TRAPPC9: variants seen among roughly 807,000 people sequenced by gnomAD.
The protein encoded by TRAPPC9 is trafficking protein particle complex subunit 9.
A neutral mutation model predicts 124.0 loss-of-function variants in TRAPPC9; 83 were observed. The ratio of observed to expected loss-of-function variants is 0.67; its 90% CI spans 0.56 to 0.80. The LOEUF (loss-of-function observed/expected upper bound fraction) is 0.80. TRAPPC9 is among the 30% of genes least tolerant of loss of function. The pLI, the probability that TRAPPC9 is intolerant of heterozygous loss-of-function variation, is 0.00. For synonymous variants in TRAPPC9, 638 were observed against 617.5 expected (o/e 1.03, Z -0.49); for missense variants, 1,302 against 1,508.3 (o/e 0.86, Z 2.27).
intron 19 of TRAPPC9, among the ~76,000 whole-genome samples, chr8:139,982,837 C>CT (rs1450765434): frequency 6.6e-6 from 1 of 152,206 alleles, no homozygotes; most frequent in African/African-American, 2.4e-5. Flanking sequence ...TCTAAAAACT[C>CT]TAATATTCAC....
intron 19 of TRAPPC9, among the ~76,000 whole-genome samples, chr8:139,985,388 G>A (rs1373764975): frequency 6.6e-6 from 1 of 152,192 alleles, no homozygotes; most frequent in African/African-American, 2.4e-5. Flanking sequence ...TCCGAGGGCT[G>A]ACAGTTCCCT....
intron 3 of TRAPPC9, among the ~76,000 whole-genome samples, chr8:140,437,961 T>C (rs1289599556): frequency 6.6e-6 from 1 of 152,222 alleles, no homozygotes; most frequent in Non-Finnish European, 1.5e-5. Context: ...TGGCTGTGCT[T>C]TGAAGTAGGA....
chr8:140,090,768 G>A lies in TRAPPC9; in HGVS notation c.2557-66689C>T, dbSNP rs900102358. 3.9e-5 allele frequency among the ~76,000 whole-genome samples: 6 copies of A among 152,262 alleles called. 1 individual carries two copies. The highest frequency in any genetic ancestry group is 2.4e-5 in the African/African-American group (1 of 41,472). On this transcript the variant is annotated intron_variant, in intron 17 of 22. Transcript: ENST00000438773. ...GGGCATCTCATTAATGCCTGGCTCCGATCTTGAGCTCATAGAGCAGCCTTG... is the reference window on the plus strand; with the variant it reads ...GGGCATCTCATTAATGCCTGGCTCCAATCTTGAGCTCATAGAGCAGCCTTG...
At chr8:140,428,196 A>T (rs2070497200) in intron 4 of TRAPPC9, among the ~76,000 whole-genome samples, 2 of 152,192 alleles carry the variant, frequency 1.3e-5, no homozygotes, top group African/African-American at 4.8e-5. Flanking sequence ...TAAACTTTTG[A>T]TGCCCCAGAG....
At chr8:139,937,501 G>T (rs1417194879) in intron 19 of TRAPPC9, among the ~76,000 whole-genome samples, 1 of 152,178 alleles carries the variant, frequency 6.6e-6, no homozygotes, top group African/African-American at 2.4e-5. Flanking sequence ...AGCGCTGGGG[G>T]CAGCGGCTTC....
intron 15 of TRAPPC9, among the ~76,000 whole-genome samples, chr8:140,267,614 T>C (rs1282910276): frequency 6.6e-6 from 1 of 152,204 alleles, no homozygotes. Context: ...ACCACTCACC[T>C]GGTATGTGGA....
At chr8:139,897,236 G>A (rs920021560) in intron 20 of TRAPPC9, among the ~76,000 whole-genome samples, 1 of 152,170 alleles carries the variant, frequency 6.6e-6, no homozygotes, top group Non-Finnish European at 1.5e-5. Flanking sequence ...GTCCATTACA[G>A]TTTGCTCACA....
chr8:139,757,706 A>G (rs1819946763), intron 21 of TRAPPC9, among the ~76,000 whole-genome samples: 1 of 152,078 alleles, frequency 6.6e-6, no homozygotes, highest in Non-Finnish European at 1.5e-5. Context: ...GCCACTGGCC[A>G]GGCCTGTCTC....
At chr8:139,910,841 T>C (rs761646136) in intron 19 of TRAPPC9, among the ~76,000 whole-genome samples, 17 of 152,228 alleles carry the variant, frequency 1.1e-4, no homozygotes, top group Non-Finnish European at 2.2e-4. Context: ...GTACCCCTAT[T>C]GTATCTAGGA....
chr8:139,841,023 G>C (rs1826693925), intron 21 of TRAPPC9, among the ~76,000 whole-genome samples: 2 of 152,176 alleles, frequency 1.3e-5, no homozygotes, highest in African/African-American at 4.8e-5. Flanking sequence ...TGAAATTCTA[G>C]AGCTAGAAGT....
intron 17 of TRAPPC9, among the ~76,000 whole-genome samples, chr8:140,034,718 C>A (rs1367615301): frequency 2.0e-5 from 3 of 152,244 alleles, no homozygotes; most frequent in African/African-American, 7.2e-5. Flanking sequence ...ACTTCAGAAA[C>A]TTTAAGTCCT....
rs555783693 is a variant in TRAPPC9 at position 140,252,027 on chromosome 8, T to C, written c.2431+750A>G. ...AATTTGGCATAATTAATTTATGAAA[T>C]CTTTTTTTTTTTTTTGAGATGGAGT... On this transcript the variant is annotated intron_variant, in intron 16 of 22. Transcript: ENST00000438773. This position sits in a 1 kb window ranked among gnomAD's most constrained non-coding sequence, Gnocchi z 4.2. 6.7e-6 allele frequency among the ~76,000 whole-genome samples: 1 copy of C among 149,528 alleles called. No homozygotes were observed. Among genetic ancestry groups the C allele is most frequent in the East Asian group, 1.9e-4 (1 of 5,174 alleles).
At chr8:139,971,021 T>C (rs929320113) in intron 19 of TRAPPC9, among the ~76,000 whole-genome samples, 6 of 144,204 alleles carry the variant, frequency 4.2e-5, no homozygotes, top group African/African-American at 1.6e-4. Context: ...CCCTAAACCC[T>C]GCCAAATTCT....
At chr8:140,030,798 GA>G (rs1840453080) in intron 17 of TRAPPC9, among the ~76,000 whole-genome samples, 1 of 152,224 alleles carries the variant, frequency 6.6e-6, no homozygotes, top group African/African-American at 2.4e-5. Context: ...TGAGATACTA[GA>G]AAAGCTCAGC....
chr8:139,903,459 C>T (rs571968862), intron 20 of TRAPPC9, among the ~76,000 whole-genome samples: 27 of 152,288 alleles, frequency 1.8e-4, no homozygotes, highest in East Asian at 5.8e-4. Context: ...GATACCTCAG[C>T]AAGCCTTGCA....
intron 21 of TRAPPC9, among the ~76,000 whole-genome samples, chr8:139,734,378 G>C (rs1818024041): frequency 6.6e-6 from 1 of 152,242 alleles, no homozygotes; most frequent in South Asian, 2.1e-4. Context: ...TGTGCTATTA[G>C]GGAGCCACCT....
chr8:140,212,211 C>A (rs2063077639), intron 17 of TRAPPC9, among the ~76,000 whole-genome samples: 2 of 152,200 alleles, frequency 1.3e-5, no homozygotes, highest in African/African-American at 4.8e-5. Flanking sequence ...TGGTGAAGGA[C>A]AGGGGTAGCT....
At chr8:140,071,332 A>G (rs73725389) in intron 17 of TRAPPC9, among the ~76,000 whole-genome samples, 4,722 of 152,294 alleles carry the variant, frequency 0.031, 247 homozygotes, top group African/African-American at 0.11. Flanking sequence ...TCCAGCGGTC[A>G]TGCTGCTCAG....
intron 7 of TRAPPC9, among the ~76,000 whole-genome samples, chr8:140,395,608 G>T (rs1428952541): frequency 6.6e-6 from 1 of 152,120 alleles, no homozygotes; most frequent in Non-Finnish European, 1.5e-5. Flanking sequence ...TAGGTTATCT[G>T]CTTTCAATTG....
Sources: gnomAD v4.1 joint callset for allele counts (sites outside exome capture counted in the v4.1 genomes callset) on GRCh38, gnomAD v4.1.1 for gene constraint, Gnocchi (gnomAD v3.1) non-coding constraint, MANE v1.5 for transcripts, NCBI Gene and HGNC (gene_info 2026-07-23, HGNC 2026-07-21) for gene names.